The following MID1 variants were observed in gnomAD, a reference collection of about 807,000 sequenced individuals.
The protein encoded by MID1 is midline 1, also known as E3 ubiquitin-protein ligase Midline-1.
Under a neutral mutation model 40.4 loss-of-function variants are expected in MID1, and 7 were observed. That is an observed-to-expected ratio of 0.17 (90% confidence interval 0.10 to 0.33). The LOEUF (loss-of-function observed/expected upper bound fraction) is 0.33. Ranked by LOEUF, MID1 falls within the 10% of genes least tolerant of loss-of-function variation. The pLI, the probability that MID1 is intolerant of heterozygous loss-of-function variation, is 1.00. For synonymous variants in MID1, 229 were observed against 221.2 expected (o/e 1.04, Z -0.31); for missense variants, 367 against 558.5 (o/e 0.66, Z 3.46).
chrX:10,802,471 T>G (rs1198637478), intron 1 of MID1, among the ~76,000 whole-genome samples: 1 of 111,308 alleles, frequency 9.0e-6, no homozygotes, highest in East Asian at 2.8e-4. Flanking sequence ...CAATAAGATA[T>G]CATCTCACAC....
At chrX:10,727,391 T>A (rs920558470) in intron 1 of MID1, among the ~76,000 whole-genome samples, 1 of 113,080 alleles carries the variant, frequency 8.8e-6, no homozygotes, top group Non-Finnish European at 1.9e-5. Flanking sequence ...AGTGCTGGGA[T>A]GACAGGCGTG....
chrX:10,460,985 G>GT (rs1203294610), intron 7 of MID1, among the ~76,000 whole-genome samples: 1 of 110,109 alleles, frequency 9.1e-6, no homozygotes, highest in Non-Finnish European at 1.9e-5. Context: ...CATCTTTTGA[G>GT]TTAAAAATTA....
At chrX:10,651,296 C>T (rs184672146) in intron 1 of MID1, among the ~76,000 whole-genome samples, 10 of 111,836 alleles carry the variant, frequency 8.9e-5, no homozygotes, top group Admixed American at 8.5e-4. Flanking sequence ...GACATAGGCA[C>T]ATGGCCCCAC....
At chrX:10,499,133 T>A (rs923405059) in intron 3 of MID1, among the ~76,000 whole-genome samples, 4 of 111,973 alleles carry the variant, frequency 3.6e-5, no homozygotes, top group Non-Finnish European at 7.5e-5. Context: ...AATTTTATTT[T>A]ATTTTTAGTG....
intron 2 of MID1, among the ~76,000 whole-genome samples, chrX:10,536,901 T>C (rs997591148): frequency 8.9e-6 from 1 of 111,774 alleles, no homozygotes; most frequent in African/African-American, 3.3e-5. Flanking sequence ...CTTTCCCGAG[T>C]TCCTTCAGTC....
At chrX:10,532,827 G>A (rs1933026217) in intron 2 of MID1, among the ~76,000 whole-genome samples, 1 of 109,748 alleles carries the variant, frequency 9.1e-6, no homozygotes, top group Admixed American at 9.7e-5. Context: ...GAGTGCAATG[G>A]GGCGATCTCA....
At chrX:10,485,334 C>T (rs1447061903) in intron 4 of MID1, among the ~76,000 whole-genome samples, 10 of 112,193 alleles carry the variant, frequency 8.9e-5, no homozygotes, top group African/African-American at 3.2e-5. Context: ...CAGCATGGAG[C>T]GAAGTACTTA....
chrX:10,818,090 G>A (rs1418802908), intron 1 of MID1, among the ~76,000 whole-genome samples: 1 of 111,949 alleles, frequency 8.9e-6, no homozygotes, highest in South Asian at 3.7e-4. Context: ...ACATCTTCAG[G>A]ACATATATAT....
At chrX:10,763,529 T>A (rs1169604397) in intron 1 of MID1, among the ~76,000 whole-genome samples, 1 of 111,677 alleles carries the variant, frequency 9.0e-6, no homozygotes, top group Non-Finnish European at 1.9e-5. Flanking sequence ...TATTCCACGG[T>A]GTATATGTGC....
intron 1 of MID1, among the ~76,000 whole-genome samples, chrX:10,817,608 TTTTC>T (rs1402971719): frequency 1.1e-4 from 11 of 104,703 alleles, no homozygotes; most frequent in African/African-American, 3.9e-4. Context: ...TTCTTTTCTT[TTTTC>T]TTTCTTTCTT....
At chrX:10,585,490 C>T (rs1321406409) in intron 1 of MID1, among the ~76,000 whole-genome samples, 1 of 112,271 alleles carries the variant, frequency 8.9e-6, no homozygotes, top group Non-Finnish European at 1.9e-5. Context: ...ATTTCTGGTA[C>T]TGACACATTC....
chrX:10,473,287 G>A (rs998466758), intron 6 of MID1, among the ~76,000 whole-genome samples: 47 of 112,090 alleles, frequency 4.2e-4, no homozygotes, highest in Non-Finnish European at 1.1e-4. Context: ...TAAATAGGAG[G>A]GCATTATGTA....
intron 1 of MID1, among the ~76,000 whole-genome samples, chrX:10,617,993 C>T (rs753895046): frequency 1.2e-4 from 13 of 112,555 alleles, no homozygotes; most frequent in Non-Finnish European, 2.4e-4. Context: ...AGGAATGTTC[C>T]TTTTCTGCCA....
intron 1 of MID1, among the ~76,000 whole-genome samples, chrX:10,750,538 C>T (rs1257225851): frequency 3.7e-5 from 4 of 109,400 alleles, no homozygotes; most frequent in Admixed American, 2.0e-4. Context: ...GGCTGAGGCA[C>T]GAGAATTGCT....
chrX:10,656,194 T>C (rs901988158), intron 1 of MID1, among the ~76,000 whole-genome samples: 4 of 112,142 alleles, frequency 3.6e-5, no homozygotes, highest in Non-Finnish European at 7.5e-5. Context: ...GGTGCCCTGT[T>C]CATTAATTTA....
chrX:10,473,439 G>C (rs1031219527), intron 6 of MID1, among the ~76,000 whole-genome samples: 4 of 112,156 alleles, frequency 3.6e-5, no homozygotes, highest in Middle Eastern at 4.6e-3. Context: ...TGCCTTGCTT[G>C]ACAATGCAGA....
At chrX:10,501,322 A>G in intron 3 of MID1, 3 of 923,730 alleles carry the variant, frequency 3.2e-6, no homozygotes, top group Admixed American at 2.7e-5. Flanking sequence ...TCATGAGCAA[A>G]TATCACATTA....
intron 1 of MID1, among the ~76,000 whole-genome samples, chrX:10,676,240 G>A (rs917738690): frequency 8.9e-6 from 1 of 111,981 alleles, no homozygotes; most frequent in African/African-American, 3.2e-5. Flanking sequence ...TAGTTTTTGC[G>A]TGGGCATGCG....
chrX:10,611,295 TTCCTC>T (rs1267766426), intron 1 of MID1, among the ~76,000 whole-genome samples: 3 of 112,417 alleles, frequency 2.7e-5, no homozygotes, highest in African/African-American at 9.7e-5. Context: ...AAATGGTTCT[TTCCTC>T]TAGTGATATA....
Sources: allele counts gnomAD v4.1 joint callset (sites outside exome capture counted in the v4.1 genomes callset), GRCh38; gene constraint gnomAD v4.1.1; transcripts MANE v1.5; gene names NCBI Gene and HGNC (gene_info 2026-07-23, HGNC 2026-07-21).